Variants in ANXA6 observed in about 807,000 individuals in gnomAD.
ANXA6 encodes the protein annexin A6.
In ANXA6, 71 loss-of-function variants were observed where a neutral mutation model predicts 95.4. The ratio of observed to expected loss-of-function variants is 0.74; its 90% CI spans 0.61 to 0.91. ANXA6 has a LOEUF of 0.91. Among genes scored for constraint, ANXA6 ranks in the 40% least tolerant of loss-of-function variants. ANXA6 has a pLI of 0.00. For missense variants in ANXA6, 830 were observed against 876.4 expected (o/e 0.95, Z 0.67); for synonymous variants, 289 against 315.9 (o/e 0.91, Z 0.90).
intron 1 of ANXA6, among the ~76,000 whole-genome samples, chr5:151,148,626 T>C (rs1181826985): frequency 6.6e-6 from 1 of 152,190 alleles, no homozygotes. Flanking sequence ...GCTTATGCTG[T>C]AATGGGAATG....
At chr5:151,138,852 A>C in intron 4 of ANXA6, 61 bp from the exon 5 acceptor site, 2 of 1,157,642 alleles carry the variant, frequency 1.7e-6, no homozygotes, top group Admixed American at 3.8e-5. Flanking sequence ...TACAACGGTA[A>C]GAATTACACT....
chr5:151,132,737 G>A (rs1329733806), intron 9 of ANXA6, among the ~76,000 whole-genome samples, 166 bp from the exon 10 acceptor site: 5 of 152,032 alleles, frequency 3.3e-5, no homozygotes, highest in Non-Finnish European at 5.9e-5. Context: ...CATCACCAGC[G>A]CTGTGCAGAT....
chr5:151,119,490 G>A (rs1238199090), intron 17 of ANXA6, 100 bp from the exon 18 acceptor site: 2 of 1,001,244 alleles, frequency 2.0e-6, no homozygotes, highest in East Asian at 4.9e-5. Flanking sequence ...AGCATTCCTG[G>A]ATTTTCTCCT....
chr5:151,129,577 A>C, intron 11 of ANXA6, 48 bp from the exon 12 acceptor site: 1 of 1,547,248 alleles, frequency 6.5e-7, no homozygotes, highest in Non-Finnish European at 8.8e-7. Context: ...AGGAGGCTAG[A>C]GTGCTGATAG....
intron 24 of ANXA6, among the ~76,000 whole-genome samples, chr5:151,104,262 CTTTT>C (rs1288349069): frequency 6.6e-6 from 1 of 152,200 alleles, no homozygotes; most frequent in Non-Finnish European, 1.5e-5. Flanking sequence ...GAATAAATTT[CTTTT>C]GTCACCCAAT....
Position 151,137,293 on chromosome 5 carries a change from A to G in ANXA6, c.347T>C (p.Ile116Thr), listed in dbSNP as rs780022776. ...ATTGGTCCGGGAAGCCAAGATCTCA[A>G]TGAGGCACTTCTCATCAGTGCCAAT... Reference protein sequence around the residue: ...SGIGTDEKCLIEILASRTNEQ... With the variant: ...SGIGTDEKCLTEILASRTNEQ... Residue 116 changes from isoleucine to threonine, a missense_variant, in exon 6 of 26, where the codon ATT becomes ACT. By Grantham distance (89) the Ile-to-Thr change is moderately conservative. Transcript: ENST00000354546. 4.8e-5 allele frequency: 78 copies of G among 1,613,428 alleles called. No individual in the cohort carries two copies. Among genetic ancestry groups the G allele is most frequent in the Admixed American group, 3.5e-4 (21 of 60,004 alleles).
chr5:151,129,697 T>TTTTGTTTGTTTGTTTGTTTG (rs35609303), intron 11 of ANXA6, among the ~76,000 whole-genome samples, 168 bp from the exon 12 acceptor site: 3 of 149,292 alleles, frequency 2.0e-5, no homozygotes, highest in Middle Eastern at 3.4e-3. Context: ...CCTCTTACTG[T>TTTTGTTTGTTTGTTTGTTTG]TTTGTTTGTT....
chr5:151,146,106 T>A (rs1427429326), intron 2 of ANXA6, among the ~76,000 whole-genome samples: 1 of 152,118 alleles, frequency 6.6e-6, no homozygotes, highest in Non-Finnish European at 1.5e-5. Context: ...TGAACCCTAG[T>A]CCATGGCAAC....
At chr5:151,141,794 CT>C (rs1346049109) in intron 2 of ANXA6, 1 of 856,162 alleles carries the variant, frequency 1.2e-6, no homozygotes, top group Non-Finnish European at 1.4e-6. Context: ...TGGGCAGAGA[CT>C]TAAAGAGTAA....
rs1273547419 is a variant in ANXA6, at chr5:151,117,825, G to A, written c.1451C>T (p.Ser484Phe). ...NEAYKEDYHK[S>F]LEDALSSDTS... Reference sequence around the variant, plus strand: ...GTCTGAGCTCAGAGCATCCTCCAGGGACTTGTGATAGTCTGAGGCAGAGAA... The same window carrying A: ...GTCTGAGCTCAGAGCATCCTCCAGGAACTTGTGATAGTCTGAGGCAGAGAA... Residue 484 changes from serine to phenylalanine, a missense_variant, in exon 19 of 26, where the codon TCC becomes TTC. Transcript: ENST00000354546. 3.1e-6 allele frequency: 5 copies of A among 1,613,500 alleles called. No homozygotes were observed. In the Admixed American group the frequency reaches 8.3e-5, roughly 27 times the overall value.
chr5:151,109,988 C>G (rs535021396), intron 21 of ANXA6, 142 bp from the exon 22 acceptor site: 6 of 645,436 alleles, frequency 9.3e-6, no homozygotes, highest in African/African-American at 9.0e-5. Flanking sequence ...CGAGACTGGT[C>G]CCCTCTTCCT....
chr5:151,149,125 G>A (rs111939861), intron 1 of ANXA6, among the ~76,000 whole-genome samples: 3,240 of 143,768 alleles, frequency 0.023, 96 homozygotes, highest in African/African-American at 0.073. Context: ...AGGCTGCAGT[G>A]AGCCAAGGTT....
chr5:151,114,190 A>G (rs1221692768), intron 20 of ANXA6, among the ~76,000 whole-genome samples: 4 of 152,166 alleles, frequency 2.6e-5, no homozygotes, highest in Admixed American at 2.6e-4. Flanking sequence ...GGGTGAAAAA[A>G]TGTTCTAAAA....
In ANXA6 at chr5:151,151,443, A is replaced by G. The variant is rs563509773; in HGVS notation, c.-25-3517T>C. On this transcript the variant is annotated intron_variant, in intron 1 of 25. Coordinates refer to ENST00000354546, the MANE Select transcript of ANXA6 (RefSeq NM_001155.5). ...CTTGCCAGGGCCCAGGAAGCAGCCA[A>G]CATCTCTGCCTAGCAGCCCTCGATC... The G allele has an allele frequency of 7.2e-5, 11 of 152,368 alleles. No homozygotes were observed. The East Asian group carries it at 2.1e-3, about 29-fold the overall frequency. 9.4% of individuals were successfully genotyped at this position (152,368 alleles called of 1,614,324 possible).
intron 12 of ANXA6, 51 bp from the exon 13 acceptor site, chr5:151,128,290 C>T: frequency 6.6e-7 from 1 of 1,510,352 alleles, no homozygotes; most frequent in South Asian, 1.2e-5. Context: ...GGGCTCCTCT[C>T]AGACAAGGAG....
chr5:151,122,141 CTG>C lies in ANXA6; in HGVS notation c.1347+4_1347+5del. The C allele has an allele frequency of 6.3e-7, 1 of 1,576,230 alleles. No individual in the cohort carries two copies. Among genetic ancestry groups the C allele is most frequent in the African/African-American group, 1.4e-5 (1 of 72,818 alleles). On this transcript the variant is annotated splice_donor_5th_base_variant and intron_variant, in intron 17 of 25. Coordinates refer to ENST00000354546, the MANE Select transcript of ANXA6 (RefSeq NM_001155.5). ...AGACACTAGACCCCCTGGTGCCACACTGTACCTCCATGGCCTTCTTCAACTGC... is the reference window on the plus strand; with the variant it reads ...AGACACTAGACCCCCTGGTGCCACACTACCTCCATGGCCTTCTTCAACTGC...
At chr5:151,133,645 G>A (rs1765579699) in intron 8 of ANXA6, among the ~76,000 whole-genome samples, 1 of 152,192 alleles carries the variant, frequency 6.6e-6, no homozygotes, top group African/African-American at 2.4e-5. Flanking sequence ...ATAATCTTAT[G>A]GGACTAGCAT....
intron 20 of ANXA6, among the ~76,000 whole-genome samples, chr5:151,115,717 G>C (rs1486585618): frequency 6.6e-6 from 1 of 152,218 alleles, no homozygotes; most frequent in Non-Finnish European, 1.5e-5. Flanking sequence ...GTCTGGCTGG[G>C]TTCTCAGCCT....
At position 151,114,129 on chromosome 5, in the gene ANXA6, G is replaced by T. The variant is rs78948361; in HGVS notation, c.1572+2998C>A. ...GATTAGTGGTTGCTTAGGGCTGGGG[G>T]GTTAGTAGGATATGAGGAGTCACAG... On this transcript the variant is annotated intron_variant, in intron 20 of 25. Coordinates refer to ENST00000354546, the MANE Select transcript of ANXA6 (RefSeq NM_001155.5). Among the ~76,000 whole-genome samples, 5 of 152,296 alleles carry T rather than the reference G, an allele frequency of 3.3e-5. No individual in the cohort carries two copies. In the East Asian group the frequency reaches 9.6e-4, roughly 29 times the overall value.
Sources: allele counts gnomAD v4.1 joint callset (sites outside exome capture counted in the v4.1 genomes callset), GRCh38; gene constraint gnomAD v4.1.1; transcripts MANE v1.5; gene names NCBI Gene and HGNC (gene_info 2026-07-23, HGNC 2026-07-21).